ANKRD33B: variants seen among roughly 807,000 people sequenced by gnomAD.
ANKRD33B encodes the protein ankyrin repeat domain-containing protein 33B.
Under a neutral mutation model 21.5 loss-of-function variants are expected in ANKRD33B, and 6 were observed. The observed-to-expected ratio is 0.28, with a 90% CI of 0.15 to 0.55. ANKRD33B has a LOEUF of 0.55. ANKRD33B is among the 20% of genes least tolerant of loss of function. The probability of loss-of-function intolerance (pLI) is 0.94; values close to 1 mark genes in which losing one functional copy is unlikely to be tolerated. For synonymous variants in ANKRD33B, 347 were observed against 342.4 expected (o/e 1.01, Z -0.15); for missense variants, 698 against 747.2 (o/e 0.93, Z 0.77).
intron 1 of ANKRD33B, among the ~76,000 whole-genome samples, chr5:10,613,613 G>A (rs1736219761): frequency 6.6e-6 from 1 of 152,156 alleles, no homozygotes; most frequent in Middle Eastern, 3.4e-3. Flanking sequence ...AATTCTAACT[G>A]CACAGAATCA....
In ANKRD33B at chr5:10,633,490, C is replaced by T. The variant is rs186696290; in HGVS notation, c.497-4538C>T. Among the ~76,000 whole-genome samples the T allele has an allele frequency of 9.4e-4, 143 of 152,344 alleles. 1 individual carries two copies. The East Asian group carries it at 0.023, about 24-fold the overall frequency. ...ACACTGTACAGAGAATGCCTGTGTGCCTCACACTGGTTCCCTCTGTTGTTA... is the reference window on the plus strand; with the variant it reads ...ACACTGTACAGAGAATGCCTGTGTGTCTCACACTGGTTCCCTCTGTTGTTA... On this transcript the variant is annotated intron_variant, in intron 2 of 3. Transcript: ENST00000296657.
At chr5:10,578,418 C>T (rs1735370801) in intron 1 of ANKRD33B, among the ~76,000 whole-genome samples, 1 of 152,178 alleles carries the variant, frequency 6.6e-6, no homozygotes, top group African/African-American at 2.4e-5. Flanking sequence ...GTTACATTAT[C>T]TGGAAGGAAG....
chr5:10,645,324 G>T (rs1160545356), intron 3 of ANKRD33B, among the ~76,000 whole-genome samples: 1 of 152,188 alleles, frequency 6.6e-6, no homozygotes, highest in Non-Finnish European at 1.5e-5. Context: ...GTGGGTGGGG[G>T]CTGGTGGAGA....
intron 1 of ANKRD33B, among the ~76,000 whole-genome samples, chr5:10,575,109 A>C (rs1735287666): frequency 2.7e-5 from 1 of 37,390 alleles, no homozygotes; most frequent in Non-Finnish European, 7.8e-5. Flanking sequence ...CAAACAAACA[A>C]ACAAACAATT....
At position 10,619,939 on chromosome 5, in the gene ANKRD33B, A is replaced by T. The variant is rs1299778019; in HGVS notation, c.496+1477A>T. Among the ~76,000 whole-genome samples, 2 of 152,138 alleles carry T rather than the reference A, an allele frequency of 1.3e-5. No individual in the cohort carries two copies. The highest frequency in any genetic ancestry group is 4.8e-5 in the African/African-American group (2 of 41,426). ...CTGAAGTTCATGATAAGGTCTTGCA[A>T]GAAGGGGATTTGAGCTGGGGCTGAG... is the stretch of plus-strand genomic sequence containing the variant. On this transcript the variant is annotated intron_variant, in intron 2 of 3. Transcript: ENST00000296657. The surrounding 1 kb of genome is among the most constrained non-coding windows in gnomAD (Gnocchi z 4.5).
chr5:10,640,992 C>A (rs929961747), intron 3 of ANKRD33B, among the ~76,000 whole-genome samples: 5 of 152,190 alleles, frequency 3.3e-5, no homozygotes, highest in African/African-American at 1.2e-4. Flanking sequence ...CCCTAAAGGC[C>A]TCACCTCTTA....
chr5:10,578,742 C>T (rs1022882183), intron 1 of ANKRD33B, among the ~76,000 whole-genome samples: 3 of 152,176 alleles, frequency 2.0e-5, no homozygotes, highest in African/African-American at 7.2e-5. Context: ...AAATCTGAAC[C>T]GTTGGGTTTG....
Position 10,636,417 on chromosome 5 carries a change from G to A in ANKRD33B, c.497-1611G>A, listed in dbSNP as rs944923580. On this transcript the variant is annotated intron_variant, in intron 2 of 3. Transcript: ENST00000296657. ...GCTTGAATGCAGGAGTTTGAGACCA[G>A]CCTCGGCAACGTTGGGAGATCCCAT... Among the ~76,000 whole-genome samples the A allele has an allele frequency of 9.9e-5, 15 of 152,070 alleles. No individual in the cohort carries two copies. The East Asian group carries it at 2.5e-3, about 26-fold the overall frequency.
chr5:10,569,124 G>A (rs1158021396), intron 1 of ANKRD33B, among the ~76,000 whole-genome samples: 1 of 152,168 alleles, frequency 6.6e-6, no homozygotes, highest in African/African-American at 2.4e-5. Flanking sequence ...TCCAGTTATT[G>A]CAACAGCCCT....
At chr5:10,643,899 G>C (rs965098531) in intron 3 of ANKRD33B, among the ~76,000 whole-genome samples, 1 of 148,804 alleles carries the variant, frequency 6.7e-6, no homozygotes, top group Admixed American at 6.7e-5. Context: ...TTTGGTTGTA[G>C]TGTAGAACTT....
intron 1 of ANKRD33B, among the ~76,000 whole-genome samples, chr5:10,608,348 A>C (rs1018492079): frequency 6.8e-6 from 1 of 148,054 alleles, no homozygotes; most frequent in Non-Finnish European, 1.5e-5. Flanking sequence ...ACAGAGCGAG[A>C]CTCCATCTAA....
intron 1 of ANKRD33B, among the ~76,000 whole-genome samples, chr5:10,594,362 C>A (rs1456325417): frequency 6.6e-6 from 1 of 151,632 alleles, no homozygotes; most frequent in Non-Finnish European, 1.5e-5. Flanking sequence ...GGATTACAGG[C>A]ATGCGCCACC....
rs1032816005 is a variant in ANKRD33B at position 10,564,329 on chromosome 5, C to G, written c.-139C>G. On this transcript the variant is annotated 5_prime_UTR_variant, in exon 1 of 4. Transcript: ENST00000296657. The stretch of plus-strand genomic sequence containing the variant: ...TTCTTTGAGCGCAGCCGCCTGGTGC[C>G]GGTTTCCGCCGAGCTGGAGCGCGCG... The G allele has an allele frequency of 1.6e-5, 8 of 514,728 alleles. No homozygotes were observed. Among genetic ancestry groups the G allele is most frequent in the South Asian group, 8.5e-5 (1 of 11,774 alleles). 31.9% of individuals were successfully genotyped at this position (514,728 alleles called of 1,614,324 possible).
rs577594294 is a variant in ANKRD33B at position 10,619,312 on chromosome 5, C to T, written c.496+850C>T. ...TTGAAGGAAGGAGGGGAAGCTTACA[C>T]GGTTGTCGGGTTGTTGAGAATCCCA... On this transcript the variant is annotated intron_variant, in intron 2 of 3. Coordinates refer to ENST00000296657, the MANE Select transcript of ANKRD33B (RefSeq NM_001164440.2). This position sits in a 1 kb window ranked among gnomAD's most constrained non-coding sequence, Gnocchi z 4.5. 2.6e-5 allele frequency: 26 copies of T among 985,402 alleles called. No homozygotes were observed. Among genetic ancestry groups the T allele is most frequent in the Middle Eastern group, 5.2e-4 (1 of 1,914 alleles). The allele number at this position is 985,402 out of a possible 1,614,324, so 61.0% of individuals were successfully genotyped here.
At position 10,564,784 on chromosome 5, in the gene ANKRD33B, G is replaced by C. The variant is rs1472603585; in HGVS notation, c.317G>C (p.Arg106Pro). Residue 106 changes from arginine to proline, a missense_variant, in exon 1 of 4, where the codon CGG becomes CCG. Arg to Pro is a moderately radical substitution (Grantham distance 103, BLOSUM62 -2). Transcript: ENST00000296657. ...GTGGGGCTGCTGCGGACGCTGGTGC[G>C]GCGCGGGGTGAGCGTCGAGGAGGCG... ...NNVGLLRTLVRRGVSVEEAQE... is the reference protein window; with the variant it reads ...NNVGLLRTLVPRGVSVEEAQE... 10 of 1,524,192 alleles carry C rather than the reference G, an allele frequency of 6.6e-6. No individual in the cohort carries two copies. The highest frequency in any genetic ancestry group is 7.9e-6 in the Non-Finnish European group (9 of 1,139,066). The allele number at this position is 1,524,192 out of a possible 1,614,324, so 94.4% of individuals were successfully genotyped here. A position where few individuals can be genotyped will look rare whatever the true frequency, so the allele number is the denominator to read the frequency against.
intron 1 of ANKRD33B, among the ~76,000 whole-genome samples, chr5:10,591,675 T>C (rs1262857225): frequency 2.0e-5 from 3 of 152,200 alleles, no homozygotes; most frequent in Non-Finnish European, 4.4e-5. Flanking sequence ...TTTACATTAT[T>C]TTGCTTACTA....
chr5:10,633,340 C>T (rs182040947), intron 2 of ANKRD33B, among the ~76,000 whole-genome samples: 1 of 152,322 alleles, frequency 6.6e-6, no homozygotes, highest in African/African-American at 2.4e-5. Flanking sequence ...GCCACGTGAT[C>T]CACCCGCCTC....
intron 2 of ANKRD33B, among the ~76,000 whole-genome samples, chr5:10,636,665 G>T (rs1399876780): frequency 1.3e-5 from 2 of 152,148 alleles, no homozygotes; most frequent in Non-Finnish European, 2.9e-5. Flanking sequence ...CCTCCCCTGG[G>T]GTTCAGGAGG....
At chr5:10,615,785 T>A (rs1736270534) in intron 1 of ANKRD33B, among the ~76,000 whole-genome samples, 1 of 152,256 alleles carries the variant, frequency 6.6e-6, no homozygotes, top group Admixed American at 6.5e-5. Flanking sequence ...TAGAGCAATA[T>A]CTCCATCCAA....
Sources: gnomAD v4.1 joint callset for allele counts (sites outside exome capture counted in the v4.1 genomes callset) on GRCh38, gnomAD v4.1.1 for gene constraint, Gnocchi (gnomAD v3.1) non-coding constraint, MANE v1.5 for transcripts, NCBI Gene and HGNC (gene_info 2026-07-23, HGNC 2026-07-21) for gene names.